The following UBR3 variants were observed in gnomAD, a reference collection of about 807,000 sequenced individuals.
The protein encoded by UBR3 is E3 ubiquitin-protein ligase UBR3.
In UBR3, 85 loss-of-function variants were observed where a neutral mutation model predicts 243.2. That is an observed-to-expected ratio of 0.35 (90% CI 0.29 to 0.42). The LOEUF (loss-of-function observed/expected upper bound fraction) is 0.42, where lower values mean the gene tolerates loss of function less well. Among genes scored for constraint, UBR3 ranks in the 10% least tolerant of loss-of-function variants. The pLI is 1.00. For missense variants in UBR3, 1,686 were observed against 2,300.8 expected (o/e 0.73, Z 5.47); for synonymous variants, 748 against 799.8 (o/e 0.94, Z 1.09).
chr2:170,001,383 A>G lies in UBR3; in HGVS notation c.3998A>G (p.Asp1333Gly). Residue 1333 changes from aspartate to glycine, a missense_variant, in exon 27 of 39, where the codon GAT becomes GGT. By Grantham distance (94) the Asp-to-Gly change is moderately conservative. Transcript: ENST00000272793. Reference sequence around the variant, plus strand: ...ACCTGTGGTCACACATTACATATAGATTGTCATAAATCTTACATGGAATCA... The same window carrying G: ...ACCTGTGGTCACACATTACATATAGGTTGTCATAAATCTTACATGGAATCA... ...VQTCGHTLHI[D>G]CHKSYMESLR... The G allele has an allele frequency of 6.2e-7, 1 of 1,613,560 alleles. No homozygotes were observed. The highest frequency in any genetic ancestry group is 8.5e-7 in the Non-Finnish European group (1 of 1,179,684).
chr2:169,889,684 A>G (rs982057625), intron 5 of UBR3, among the ~76,000 whole-genome samples: 10 of 152,190 alleles, frequency 6.6e-5, no homozygotes, highest in Non-Finnish European at 1.2e-4. Context: ...ATTAACAGGG[A>G]AGACATATTG....
intron 1 of UBR3, among the ~76,000 whole-genome samples, chr2:169,831,129 T>TATATATATATATATATATATATA (rs2081925483): frequency 4.2e-5 from 1 of 23,784 alleles, no homozygotes. Context: ...ATATATATAT[T>TATATATATATATATATATATATA]TTTTTTTTTT....
At chr2:169,855,689 C>T (rs2082818180) in intron 1 of UBR3, among the ~76,000 whole-genome samples, 1 of 152,228 alleles carries the variant, frequency 6.6e-6, no homozygotes. Flanking sequence ...TTAACAGCAT[C>T]CCAAGGCAGA....
chr2:169,929,550 C>G (rs1286811089), intron 18 of UBR3, among the ~76,000 whole-genome samples: 1 of 151,950 alleles, frequency 6.6e-6, no homozygotes, highest in African/African-American at 2.4e-5. Context: ...GCACTCCAGC[C>G]TAGGCAACAA....
chr2:169,859,601 A>G (rs570558780), intron 1 of UBR3, among the ~76,000 whole-genome samples: 7 of 151,410 alleles, frequency 4.6e-5, no homozygotes, highest in South Asian at 2.1e-4. Flanking sequence ...TTTATTTTGG[A>G]TAATTTTTAT....
intron 23 of UBR3, 24 bp downstream of exon 23, chr2:169,950,089 A>G (rs2105361619): frequency 6.6e-7 from 1 of 1,521,990 alleles, no homozygotes; most frequent in East Asian, 2.3e-5. Context: ...TTAATGTTTT[A>G]AACGTGTGTA....
chr2:169,886,136 G>A (rs964221542), intron 5 of UBR3, among the ~76,000 whole-genome samples: 65 of 142,982 alleles, frequency 4.5e-4, no homozygotes, highest in Non-Finnish European at 1.5e-4. Context: ...CAGCCTGCGC[G>A]ACAGAGTGAG....
intron 24 of UBR3, among the ~76,000 whole-genome samples, chr2:169,967,467 A>G (rs2087875732): frequency 6.6e-6 from 1 of 152,182 alleles, no homozygotes; most frequent in Admixed American, 6.6e-5. Flanking sequence ...TAGACACAGC[A>G]AAAATCCTTG....
At chr2:169,836,067 A>ATATATATTTTTTT (rs1558999159) in intron 1 of UBR3, among the ~76,000 whole-genome samples, 1 of 32,666 alleles carries the variant, frequency 3.1e-5, no homozygotes, top group Non-Finnish European at 5.1e-5. Context: ...ATATATATAT[A>ATATATATTTTTTT]TTTTTTTTTT....
rs397966443 is a variant in UBR3, at chr2:169,848,334, G to GTT, written c.545+20297_545+20298dup. On this transcript the variant is annotated intron_variant, in intron 1 of 38. Coordinates refer to ENST00000272793, the MANE Select transcript of UBR3 (RefSeq NM_172070.4). ...TTGAAGTAAGTATAAAAGTATCATA[G>GTT]TTTTTTTTTTTTTTTTGCCTTTAGG... 7.1e-3 allele frequency among the ~76,000 whole-genome samples: 919 copies of GTT among 129,516 alleles called. 5 individuals carry two copies. The highest frequency in any genetic ancestry group is 8.6e-3 in the Non-Finnish European group (523 of 60,486). 85.0% of individuals were successfully genotyped at this position (129,516 alleles called of 152,430 possible). A position where few individuals can be genotyped will look rare whatever the true frequency, so the allele number is the denominator to read the frequency against.
At chr2:169,996,004 T>C (rs2089464353) in intron 26 of UBR3, among the ~76,000 whole-genome samples, 1 of 152,210 alleles carries the variant, frequency 6.6e-6, no homozygotes, top group Non-Finnish European at 1.5e-5. Context: ...TAGTTAGCTA[T>C]ATAAGATGAT....
At chr2:169,913,614 CACTA>C (rs1485552332) in intron 10 of UBR3, among the ~76,000 whole-genome samples, 2 of 152,114 alleles carry the variant, frequency 1.3e-5, no homozygotes, top group Admixed American at 6.5e-5. Flanking sequence ...TAACATTTAC[CACTA>C]ACTATTTTTA....
intron 30 of UBR3, among the ~76,000 whole-genome samples, chr2:170,018,111 C>T (rs572331874): frequency 6.6e-6 from 1 of 152,258 alleles, no homozygotes; most frequent in South Asian, 2.1e-4. Context: ...GACCTTTCAG[C>T]CATTGGTTTA....
At chr2:169,850,525 G>A (rs1159599550) in intron 1 of UBR3, among the ~76,000 whole-genome samples, 1 of 151,972 alleles carries the variant, frequency 6.6e-6, no homozygotes, top group Non-Finnish European at 1.5e-5. Flanking sequence ...TGCCCTGTAA[G>A]AGTTTTAGGT....
chr2:169,996,278 G>A (rs1164622528), intron 26 of UBR3, among the ~76,000 whole-genome samples: 1 of 152,156 alleles, frequency 6.6e-6, no homozygotes, highest in African/African-American at 2.4e-5. Context: ...AGAAAAACTG[G>A]GGTTTGGTCC....
Position 170,029,365 on chromosome 2 carries a change from A to G in UBR3, c.4473A>G (p.Leu1491=), listed in dbSNP as rs751665002. ...RSCLNQLFHV[L]ALHMRLYSID... ...TTTCAGATCAGCTGTTTCATGTATT[A>G]GCCTTGCACATGCGGCTTTATAGCA... Residue 1491 remains leucine, a synonymous_variant, in exon 31 of 39, where the codon TTA becomes TTG. Transcript: ENST00000272793. The G allele has an allele frequency of 4.4e-6, 7 of 1,608,788 alleles. No individual in the cohort carries two copies. The highest frequency in any genetic ancestry group is 5.9e-6 in the Non-Finnish European group (7 of 1,177,658).
At chr2:169,911,967 G>A (rs2085270117) in intron 10 of UBR3, among the ~76,000 whole-genome samples, 1 of 152,178 alleles carries the variant, frequency 6.6e-6, no homozygotes, top group African/African-American at 2.4e-5. Flanking sequence ...GACCAGGTAA[G>A]TGATTTCGGT....
intron 29 of UBR3, among the ~76,000 whole-genome samples, chr2:170,012,866 G>A (rs756355229): frequency 9.2e-5 from 14 of 152,184 alleles, no homozygotes; most frequent in Non-Finnish European, 1.6e-4. Flanking sequence ...ATAGAAGTTA[G>A]TGTTGAATGG....
At chr2:170,081,371 G>T (rs2091903101) in intron 38 of UBR3, among the ~76,000 whole-genome samples, 1 of 151,928 alleles carries the variant, frequency 6.6e-6, no homozygotes, top group Admixed American at 6.6e-5. Context: ...GTGGTGGCGG[G>T]CCCCTATAGT....
Sources: gnomAD v4.1 joint callset for allele counts (sites outside exome capture counted in the v4.1 genomes callset) on GRCh38, gnomAD v4.1.1 for gene constraint, MANE v1.5 for transcripts, NCBI Gene and HGNC (gene_info 2026-07-23, HGNC 2026-07-21) for gene names.